Variants in KCNT2 observed in about 807,000 individuals in gnomAD.
The protein encoded by KCNT2 is potassium sodium-activated channel subfamily T member 2.
In KCNT2, 67 loss-of-function variants were observed where a neutral mutation model predicts 153.8. That is an observed-to-expected ratio of 0.44 (90% confidence interval 0.36 to 0.53). The LOEUF (loss-of-function observed/expected upper bound fraction) is 0.53. KCNT2 is among the 20% of genes least tolerant of loss of function. The pLI is 0.00. For synonymous variants in KCNT2, 500 were observed against 458.8 expected (o/e 1.09, Z -1.15); for missense variants, 975 against 1,354.8 (o/e 0.72, Z 4.40).
intron 1 of KCNT2, among the ~76,000 whole-genome samples, chr1:196,537,954 T>C (rs1331674855): frequency 6.6e-6 from 1 of 152,178 alleles, no homozygotes; most frequent in African/African-American, 2.4e-5. Context: ...TAGCTGGGCC[T>C]CCAGGTGCCC....
At chr1:196,480,730 C>CATAA (rs1678938320) in intron 4 of KCNT2, among the ~76,000 whole-genome samples, 2 of 151,608 alleles carry the variant, frequency 1.3e-5, no homozygotes, top group African/African-American at 4.8e-5. Context: ...GTGGCGGGCG[C>CATAA]CTGTAGTCCC....
At chr1:196,417,079 A>T (rs146569836) in intron 12 of KCNT2, among the ~76,000 whole-genome samples, 8,750 of 151,944 alleles carry the variant, frequency 0.058, 390 homozygotes, top group Non-Finnish European at 0.085. Context: ...ACCCACAGAA[A>T]TTTTTTTTAA....
intron 1 of KCNT2, among the ~76,000 whole-genome samples, chr1:196,536,261 G>A (rs966593619): frequency 2.6e-5 from 4 of 152,202 alleles, no homozygotes; most frequent in African/African-American, 9.6e-5. Context: ...CTTGCCATAT[G>A]GCCTGGCCCC....
chr1:196,253,249 T>C lies in KCNT2; in HGVS notation c.3211+4945A>G, dbSNP rs114268294. ...CTATGTGTTCTTCGAAGTTTTATTT[T>C]CCCTCCTTCTCTCTATACTGTATTT... On this transcript the variant is annotated intron_variant, in intron 26 of 27. Coordinates refer to ENST00000294725, the MANE Select transcript of KCNT2 (RefSeq NM_198503.5). Among the ~76,000 whole-genome samples, 822 of 151,564 alleles carry C rather than the reference T, an allele frequency of 5.4e-3. 5 individuals carry two copies. Among genetic ancestry groups the C allele is most frequent in the African/African-American group, 0.019 (786 of 41,514 alleles).
intron 1 of KCNT2, among the ~76,000 whole-genome samples, chr1:196,501,974 C>T (rs1015747639): frequency 6.6e-6 from 1 of 152,002 alleles, no homozygotes; most frequent in African/African-American, 2.4e-5. Flanking sequence ...AAAAAACTAG[C>T]GGGGCATGGC....
intron 14 of KCNT2, among the ~76,000 whole-genome samples, chr1:196,362,094 T>C (rs1230064357): frequency 6.6e-6 from 1 of 152,132 alleles, no homozygotes; most frequent in Admixed American, 6.6e-5. Context: ...AATAGTTCAT[T>C]TGAGCATGCT....
intron 1 of KCNT2, among the ~76,000 whole-genome samples, chr1:196,563,947 AC>A (rs1659761513): frequency 6.6e-6 from 1 of 152,018 alleles, no homozygotes; most frequent in Non-Finnish European, 1.5e-5. Flanking sequence ...CAAATCAGGA[AC>A]AAAAAAGCAA....
chr1:196,482,528 G>T, intron 3 of KCNT2, 149 bp from the exon 4 acceptor site: 6 of 507,792 alleles, frequency 1.2e-5, no homozygotes, highest in South Asian at 7.1e-5. Flanking sequence ...TGTTGCCTTA[G>T]TTTTCTTTTT....
At position 196,282,417 on chromosome 1, in the gene KCNT2, G is replaced by T. The variant is rs1659199014; in HGVS notation, c.2698-61C>A. The T allele has an allele frequency of 6.3e-6, 5 of 788,926 alleles. No homozygotes were observed. The South Asian group carries it at 8.5e-5, about 13-fold the overall frequency. 48.9% of individuals were successfully genotyped at this position (788,926 alleles called of 1,614,324 possible). ...TATTTATATATAATGTGTATGAGATGTGTAGAACAGCTAAAAGTGTGAACA... is the reference window on the plus strand; with the variant it reads ...TATTTATATATAATGTGTATGAGATTTGTAGAACAGCTAAAAGTGTGAACA... On this transcript the variant is annotated intron_variant, in intron 23 of 27. Transcript: ENST00000294725.
Position 196,479,194 on chromosome 1 carries a change from A to G in KCNT2, c.369T>C (p.Gly123=), listed in dbSNP as rs143651162. Residue 123 remains glycine, a synonymous_variant, in exon 5 of 28, where the codon GGT becomes GGC. Transcript: ENST00000294725. ...AATAACTTACCTTATAACTAAGATA[A>G]CCAAGTAATATTGTTTCAAACAGAC... ...LISLFETILL[G]YLSYKGNIWE... is the part of the protein sequence containing the mutation. 4.7e-5 allele frequency: 74 copies of G among 1,568,446 alleles called. No homozygotes were observed. Among genetic ancestry groups the G allele is most frequent in the Non-Finnish European group, 5.8e-5 (66 of 1,142,448 alleles).
chr1:196,291,954 T>C (rs527285588), intron 22 of KCNT2, among the ~76,000 whole-genome samples: 1 of 152,230 alleles, frequency 6.6e-6, no homozygotes, highest in African/African-American at 2.4e-5. Flanking sequence ...TAAAAGTAAC[T>C]TGGGTGAATA....
intron 26 of KCNT2, among the ~76,000 whole-genome samples, chr1:196,242,387 A>C (rs1325511419): frequency 1.3e-5 from 2 of 152,102 alleles, no homozygotes. Context: ...TAGCATATTT[A>C]TTATATAATT....
intron 1 of KCNT2, among the ~76,000 whole-genome samples, chr1:196,501,647 T>C (rs1337063140): frequency 6.6e-6 from 1 of 152,124 alleles, no homozygotes; most frequent in East Asian, 1.9e-4. Context: ...GGGTACAATG[T>C]TCACTATTCA....
At chr1:196,573,379 A>G (rs1660995105) in intron 1 of KCNT2, among the ~76,000 whole-genome samples, 2 of 152,026 alleles carry the variant, frequency 1.3e-5, no homozygotes, top group African/African-American at 4.8e-5. Context: ...ATTTGCAGAC[A>G]CTGTTCTTTT....
intron 13 of KCNT2, among the ~76,000 whole-genome samples, chr1:196,377,249 C>T (rs1669047113): frequency 6.6e-6 from 1 of 151,818 alleles, no homozygotes; most frequent in Non-Finnish European, 1.5e-5. Flanking sequence ...GCATAAACAT[C>T]ATCAGATAGT....
At chr1:196,509,691 T>C (rs1681455527) in intron 1 of KCNT2, among the ~76,000 whole-genome samples, 1 of 152,206 alleles carries the variant, frequency 6.6e-6, no homozygotes, top group African/African-American at 2.4e-5. Flanking sequence ...AAGGTATTGG[T>C]TCTTCAAGTG....
At chr1:196,448,893 AT>A (rs1462841840) in intron 8 of KCNT2, among the ~76,000 whole-genome samples, 2 of 151,674 alleles carry the variant, frequency 1.3e-5, no homozygotes, top group Admixed American at 6.6e-5. Context: ...AAGAACAATC[AT>A]TTTTTTAAAC....
intron 1 of KCNT2, among the ~76,000 whole-genome samples, chr1:196,550,380 T>C (rs557986057): frequency 1.3e-5 from 2 of 151,988 alleles, no homozygotes; most frequent in East Asian, 3.9e-4. Flanking sequence ...TGTAAGAAAA[T>C]ACACAGAATG....
At chr1:196,559,709 C>A (rs761955893) in intron 1 of KCNT2, among the ~76,000 whole-genome samples, 1 of 151,670 alleles carries the variant, frequency 6.6e-6, no homozygotes, top group African/African-American at 2.4e-5. Flanking sequence ...ATGTGCATTT[C>A]TCTGTTTTTT....
Sources: allele counts gnomAD v4.1 joint callset (sites outside exome capture counted in the v4.1 genomes callset), GRCh38; gene constraint gnomAD v4.1.1; transcripts MANE v1.5; gene names NCBI Gene and HGNC (gene_info 2026-07-23, HGNC 2026-07-21).